The following RDX variants were observed in gnomAD, a reference collection of about 807,000 sequenced individuals.
The protein encoded by RDX is deafness, autosomal recessive 24.
Under a neutral mutation model 83.7 loss-of-function variants are expected in RDX, and 32 were observed. The observed-to-expected ratio is 0.38, with a 90% CI of 0.29 to 0.51. The LOEUF is 0.51. RDX is among the 20% of genes least tolerant of loss of function. RDX has a pLI of 0.87. For missense variants in RDX, 600 were observed against 689.9 expected (o/e 0.87, Z 1.46); for synonymous variants, 229 against 222.7 (o/e 1.03, Z -0.25).
chr11:110,258,297 CAATT>C (rs1486104274), intron 5 of RDX, 108 bp from the exon 6 acceptor site: 7 of 702,640 alleles, frequency 1.0e-5, no homozygotes, highest in Non-Finnish European at 1.7e-5. Context: ...AGTTGTCAGA[CAATT>C]AATACACATG....
At chr11:110,251,289 T>G (rs1172488390) in intron 9 of RDX, among the ~76,000 whole-genome samples, 1 of 152,188 alleles carries the variant, frequency 6.6e-6, no homozygotes, top group Non-Finnish European at 1.5e-5. Context: ...TTTTTAAAGA[T>G]CAAATGGGTC....
downstream of RDX, among the ~76,000 whole-genome samples, chr11:110,227,085 T>C (rs957044125): frequency 6.6e-6 from 1 of 152,078 alleles, no homozygotes; most frequent in African/African-American, 2.4e-5. Context: ...TTTCAATATA[T>C]ATAAAAGGAA....
chr11:110,277,249 A>G (rs1333494913), intron 2 of RDX, among the ~76,000 whole-genome samples: 1 of 152,202 alleles, frequency 6.6e-6, no homozygotes, highest in Admixed American at 6.5e-5. Flanking sequence ...CCTAACAAAA[A>G]TACAATAAAG....
intron 14 of RDX, among the ~76,000 whole-genome samples, chr11:110,215,049 A>T (rs7925755): frequency 0.064 from 6,225 of 97,108 alleles, 216 homozygotes; most frequent in African/African-American, 0.12. Flanking sequence ...AAAAAAAAAA[A>T]ATATATATAT....
At chr11:110,214,181 G>A (rs1479337302) in intron 14 of RDX, among the ~76,000 whole-genome samples, 4 of 151,836 alleles carry the variant, frequency 2.6e-5, no homozygotes, top group Admixed American at 6.6e-5. Context: ...GTGGGAGAAG[G>A]ACGTGAACAG....
chr11:110,251,439 A>C (rs946315438), intron 9 of RDX, among the ~76,000 whole-genome samples: 1 of 152,210 alleles, frequency 6.6e-6, no homozygotes, highest in Non-Finnish European at 1.5e-5. Context: ...ATGATTTCTT[A>C]CAAAAACGCT....
chr11:110,246,853 C>G (rs897152246), intron 10 of RDX, among the ~76,000 whole-genome samples: 1 of 151,710 alleles, frequency 6.6e-6, no homozygotes, highest in African/African-American at 2.4e-5. Context: ...CAAGCATTTT[C>G]AACAAGGGAT....
chr11:110,271,984 T>C (rs1860327650), intron 3 of RDX, among the ~76,000 whole-genome samples: 1 of 152,248 alleles, frequency 6.6e-6, no homozygotes, highest in African/African-American at 2.4e-5. Flanking sequence ...CATAAAATTA[T>C]TTAAAGGATT....
chr11:110,219,032 T>C lies in RDX; in HGVS notation c.1748+12841A>G, dbSNP rs536571435. Among the ~76,000 whole-genome samples the C allele has an allele frequency of 2.0e-5, 3 of 152,266 alleles. No homozygotes were observed. The South Asian group carries it at 6.2e-4, about 32-fold the overall frequency. On this transcript the variant is annotated intron_variant, in intron 14 of 15. Coordinates refer to the RDX transcript ENST00000528498. ...TAGATACAATACAAATAGGTAAATA[T>C]ATAGTATGCTAGATGGTAAGTGCTA...
At position 110,296,477 on chromosome 11, in the gene RDX, G is replaced by A. The variant is rs1384770117; in HGVS notation, c.-75C>T. On this transcript the variant is annotated 5_prime_UTR_variant, in exon 1 of 14. Coordinates refer to ENST00000645495, the MANE Select transcript of RDX (RefSeq NM_002906.4). ...GGCGCCGCGCCTTACCCGGAGAGCG[G>A]GCGGCTTCTGCCCGCCGGCGTGTGG... is the stretch of plus-strand genomic sequence containing the variant. The A allele has an allele frequency of 6.6e-6, 1 of 151,388 alleles. No individual in the cohort carries two copies. The highest frequency in any genetic ancestry group is 1.5e-5 in the Non-Finnish European group (1 of 67,766). The allele number at this position is 151,388 out of a possible 1,614,324, so 9.4% of individuals were successfully genotyped here. A position where few individuals can be genotyped will look rare whatever the true frequency, so the allele number is the denominator to read the frequency against.
At chr11:110,177,276 T>G (rs975915113) in intron 15 of RDX, among the ~76,000 whole-genome samples, 3 of 152,200 alleles carry the variant, frequency 2.0e-5, no homozygotes, top group African/African-American at 7.2e-5. Flanking sequence ...GGTGAGGTGG[T>G]GGGGTCCAGA....
intron 1 of RDX, among the ~76,000 whole-genome samples, chr11:110,283,475 G>GA (rs1471466209): frequency 6.6e-6 from 1 of 151,902 alleles, no homozygotes; most frequent in African/African-American, 2.4e-5. Flanking sequence ...TTCTTACGAT[G>GA]AAAAAAACAG....
chr11:110,291,276 G>A (rs1163369426), intron 1 of RDX, among the ~76,000 whole-genome samples: 1 of 152,172 alleles, frequency 6.6e-6, no homozygotes, highest in Non-Finnish European at 1.5e-5. Flanking sequence ...GGAGTTCGTG[G>A]CATGGAGCTA....
At chr11:110,279,024 G>T (rs1194241399) in intron 2 of RDX, among the ~76,000 whole-genome samples, 1 of 151,998 alleles carries the variant, frequency 6.6e-6, no homozygotes, top group African/African-American at 2.4e-5. Context: ...TATCAGTATG[G>T]GTAACACTTG....
rs34264175 is a variant in RDX at position 110,198,284 on chromosome 11, C to CA, written c.*31+1296dup. Among the ~76,000 whole-genome samples the CA allele has an allele frequency of 3.8e-3, 536 of 140,974 alleles. 3 individuals carry two copies. Among genetic ancestry groups the CA allele is most frequent in the East Asian group, 0.025 (124 of 4,986 alleles). 92.5% of individuals were successfully genotyped at this position (140,974 alleles called of 152,430 possible). ...ATGGGATGAGTCAAATAGTCTCTGC[C>CA]AAAAAAAAAAAGAATTTAAAAACCT... On this transcript the variant is annotated intron_variant, in intron 15 of 15. Transcript: ENST00000528498.
At chr11:110,239,909 C>G (rs1865014072) in intron 10 of RDX, among the ~76,000 whole-genome samples, 1 of 150,250 alleles carries the variant, frequency 6.7e-6, no homozygotes. Flanking sequence ...CACTCATACA[C>G]TGTTGGTGGG....
chr11:110,268,981 ATT>A lies in RDX; in HGVS notation c.96+3553_96+3554del, dbSNP rs915256875. ...ACATATTATATATACATATATATATATTTTTTTAATTAATTTATTTATTTTTT... is the reference window on the plus strand; with the variant it reads ...ACATATTATATATACATATATATATATTTTTAATTAATTTATTTATTTTTT... On this transcript the variant is annotated intron_variant, in intron 3 of 13. Transcript: ENST00000645495. Among the ~76,000 whole-genome samples, 283 of 149,584 alleles carry A rather than the reference ATT, an allele frequency of 1.9e-3. 2 individuals carry two copies. The highest frequency in any genetic ancestry group is 6.7e-3 in the African/African-American group (275 of 41,034).
chr11:110,252,071 G>A (rs889934589), intron 9 of RDX, among the ~76,000 whole-genome samples: 1 of 152,170 alleles, frequency 6.6e-6, no homozygotes, highest in Non-Finnish European at 1.5e-5. Flanking sequence ...GGGAATAAAT[G>A]ACTCAGCATG....
intron 15 of RDX, among the ~76,000 whole-genome samples, chr11:110,193,088 G>T (rs752421660): frequency 1.3e-5 from 2 of 152,090 alleles, no homozygotes; most frequent in East Asian, 3.9e-4. Flanking sequence ...ACAGCAGTAC[G>T]CCCAATAGCA....
Sources: gnomAD v4.1 joint callset for allele counts (sites outside exome capture counted in the v4.1 genomes callset) on GRCh38, gnomAD v4.1.1 for gene constraint, MANE v1.5 for transcripts, NCBI Gene and HGNC (gene_info 2026-07-23, HGNC 2026-07-21) for gene names.